CTNND2: variants seen among roughly 807,000 people sequenced by gnomAD.
The protein encoded by CTNND2 is catenin delta-2.
Under a neutral mutation model 144.4 loss-of-function variants are expected in CTNND2, and 22 were observed. That is an observed-to-expected ratio of 0.15 (90% confidence interval 0.11 to 0.22). The LOEUF (loss-of-function observed/expected upper bound fraction) is 0.22, where lower values mean the gene tolerates loss of function less well. Among genes scored for constraint, CTNND2 ranks in the 10% least tolerant of loss-of-function variants. The probability of loss-of-function intolerance (pLI) is 1.00; values close to 1 mark genes in which losing one functional copy is unlikely to be tolerated. For synonymous variants in CTNND2, 751 were observed against 695.6 expected, an observed-to-expected ratio of 1.08 and a Z score of -1.25; for missense variants, 1,353 against 1,618.8, an observed-to-expected ratio of 0.84 and a Z score of 2.82.
In CTNND2 at chr5:11,519,039, A is replaced by C. The variant is rs140593916; in HGVS notation, c.287+45905T>G. 3.3e-3 allele frequency among the ~76,000 whole-genome samples: 392 copies of C among 119,288 alleles called. 2 individuals are homozygous for C. Among genetic ancestry groups the C allele is most frequent in the African/African-American group, 0.014 (379 of 27,916 alleles). 78.3% of individuals were successfully genotyped at this position (119,288 alleles called of 152,430 possible). ...CACACACACACACACAAATTTAAGT[A>C]TATGGAGGAAAAAATGGAAAAAAAT... On this transcript the variant is annotated intron_variant, in intron 3 of 21. Coordinates refer to ENST00000304623, the MANE Select transcript of CTNND2 (RefSeq NM_001332.4).
At chr5:11,747,564 G>A (rs10044846) in intron 1 of CTNND2, among the ~76,000 whole-genome samples, 12,877 of 152,100 alleles carry the variant, frequency 0.085, 1,480 homozygotes, top group African/African-American at 0.26. Context: ...TTGCATCTGT[G>A]CAAGACACTG....
chr5:11,395,933 G>T (rs1472093067), intron 6 of CTNND2, among the ~76,000 whole-genome samples: 1 of 152,192 alleles, frequency 6.6e-6, no homozygotes, highest in Non-Finnish European at 1.5e-5. Flanking sequence ...TGGCCTGCCA[G>T]GTGCTCCTGA....
At chr5:11,583,444 G>A (rs1424073932) in intron 2 of CTNND2, among the ~76,000 whole-genome samples, 1 of 152,214 alleles carries the variant, frequency 6.6e-6, no homozygotes, top group African/African-American at 2.4e-5. Context: ...GAAGAAGGCT[G>A]AAGGAGGGAG....
At chr5:11,677,092 T>G (rs1316511100) in intron 2 of CTNND2, among the ~76,000 whole-genome samples, 1 of 152,220 alleles carries the variant, frequency 6.6e-6, no homozygotes, top group Non-Finnish European at 1.5e-5. Flanking sequence ...CTAATTCTGC[T>G]GCTGTATGTA....
chr5:11,330,483 CAAAAAAAAAAAA>C (rs10627159), intron 9 of CTNND2, among the ~76,000 whole-genome samples: 2 of 43,442 alleles, frequency 4.6e-5, no homozygotes, highest in Non-Finnish European at 8.0e-5. Context: ...GACTCCGTCT[CAAAAAAAAAAAA>C]AAAAAAAAAA....
chr5:11,618,534 T>C (rs1301200629), intron 2 of CTNND2, among the ~76,000 whole-genome samples: 2 of 152,200 alleles, frequency 1.3e-5, no homozygotes, highest in African/African-American at 2.4e-5. Flanking sequence ...CCCACATACA[T>C]GTCCACACAG....
chr5:11,800,545 C>T (rs4601041), intron 1 of CTNND2, among the ~76,000 whole-genome samples: 134,510 of 152,092 alleles, frequency 0.88, 61,548 homozygotes, highest in East Asian at 1. Flanking sequence ...CAGACCTTTA[C>T]TGTGATACTA....
chr5:11,237,055 T>C (rs1228317327), intron 9 of CTNND2, among the ~76,000 whole-genome samples: 1 of 151,648 alleles, frequency 6.6e-6, no homozygotes, highest in African/African-American at 2.4e-5. Flanking sequence ...AATCTCACTC[T>C]GTCGCCCAGG....
chr5:11,332,463 T>A (rs553480461), intron 9 of CTNND2, among the ~76,000 whole-genome samples: 1 of 152,092 alleles, frequency 6.6e-6, no homozygotes, highest in Non-Finnish European at 1.5e-5. Flanking sequence ...GTCTCCTTCC[T>A]TCTATTTATG....
Position 11,179,133 on chromosome 5 carries a change from A to G in CTNND2, c.1976-19374T>C, listed in dbSNP as rs564666704. Reference sequence around the variant, plus strand: ...CATGGGCCTTTATTCTTAAAGATACAGCAGAGCAATTAGTCCAGCGTGGTG... The same window carrying G: ...CATGGGCCTTTATTCTTAAAGATACGGCAGAGCAATTAGTCCAGCGTGGTG... On this transcript the variant is annotated intron_variant, in intron 11 of 21. Coordinates refer to ENST00000304623, the MANE Select transcript of CTNND2 (RefSeq NM_001332.4). Among the ~76,000 whole-genome samples, 11 of 152,306 alleles carry G rather than the reference A, an allele frequency of 7.2e-5. No individual in the cohort carries two copies. In the South Asian group the frequency reaches 2.3e-3, roughly 32 times the overall value.
chr5:11,801,258 A>G (rs1791666387), intron 1 of CTNND2, among the ~76,000 whole-genome samples: 1 of 152,206 alleles, frequency 6.6e-6, no homozygotes, highest in Non-Finnish European at 1.5e-5. Flanking sequence ...CTGAGCCAAC[A>G]CAGAACAAAT....
At chr5:11,882,133 T>C (rs1184381193) in intron 1 of CTNND2, among the ~76,000 whole-genome samples, 1 of 152,078 alleles carries the variant, frequency 6.6e-6, no homozygotes, top group Non-Finnish European at 1.5e-5. Context: ...GCCAGATGGA[T>C]AGTTTGCAAA....
At chr5:11,878,871 G>A (rs1735764901) in intron 1 of CTNND2, among the ~76,000 whole-genome samples, 1 of 152,304 alleles carries the variant, frequency 6.6e-6, no homozygotes, top group African/African-American at 2.4e-5. Context: ...AGGGAGATGG[G>A]GCCTCATGGG....
intron 6 of CTNND2, among the ~76,000 whole-genome samples, chr5:11,387,882 T>G (rs907947703): frequency 2.0e-5 from 3 of 152,202 alleles, no homozygotes; most frequent in Non-Finnish European, 4.4e-5. Flanking sequence ...ACATATATCC[T>G]GTGAAAACCT....
intron 12 of CTNND2, among the ~76,000 whole-genome samples, chr5:11,136,816 T>G (rs1221894841): frequency 6.6e-6 from 1 of 152,268 alleles, no homozygotes; most frequent in Non-Finnish European, 1.5e-5. Context: ...GTCATTTCAC[T>G]GAGTAAAACT....
chr5:11,539,527 T>C (rs1457552965), intron 3 of CTNND2, among the ~76,000 whole-genome samples: 1 of 152,200 alleles, frequency 6.6e-6, no homozygotes, highest in African/African-American at 2.4e-5. Context: ...ACTGTTGCTG[T>C]CTAGGAAACC....
At chr5:11,715,819 A>C (rs1168802360) in intron 2 of CTNND2, among the ~76,000 whole-genome samples, 3 of 152,224 alleles carry the variant, frequency 2.0e-5, no homozygotes, top group East Asian at 1.9e-4. Flanking sequence ...AAACCAAAAA[A>C]ATGAAAATGA....
chr5:11,783,577 G>C (rs974410383), intron 1 of CTNND2, among the ~76,000 whole-genome samples: 2 of 152,102 alleles, frequency 1.3e-5, no homozygotes, highest in African/African-American at 4.8e-5. Flanking sequence ...TTTAGGTATA[G>C]AGCAGATGAC....
In CTNND2 at chr5:11,262,491, A is replaced by G. The variant is rs572279628; in HGVS notation, c.1629-25668T>C. On this transcript the variant is annotated intron_variant, in intron 9 of 21. Coordinates refer to ENST00000304623, the MANE Select transcript of CTNND2 (RefSeq NM_001332.4). ...GAAACTAAATGTGTTGGCCGGGCGC[A>G]GTGGCTCACGCCTGTAATTCCAGCA... 9.9e-5 allele frequency among the ~76,000 whole-genome samples: 15 copies of G among 152,256 alleles called. No homozygotes were observed. In the East Asian group the frequency reaches 2.5e-3, roughly 26 times the overall value.
Sources: allele counts gnomAD v4.1 joint callset (sites outside exome capture counted in the v4.1 genomes callset), GRCh38; gene constraint gnomAD v4.1.1; transcripts MANE v1.5; gene names NCBI Gene and HGNC (gene_info 2026-07-23, HGNC 2026-07-21).